Variants in ELFN1 observed in about 807,000 individuals in gnomAD.
ELFN1 encodes protein ELFN1.
In ELFN1, 6 loss-of-function variants were observed where a neutral mutation model predicts 7.6. The observed-to-expected ratio is 0.79, with a 90% CI of 0.43 to 1.56. ELFN1 has a LOEUF of 1.56. ELFN1 is among the 40% of genes most tolerant of loss of function. The pLI, the probability that ELFN1 is intolerant of heterozygous loss-of-function variation, is 0.01. For synonymous variants in ELFN1, 657 were observed against 588.1 expected (o/e 1.12, Z -1.70); for missense variants, 1,169 against 1,232.2 (o/e 0.95, Z 0.77).
chr7:1,675,521 C>T (rs1778852562), intron 1 of ELFN1, among the ~76,000 whole-genome samples: 1 of 152,244 alleles, frequency 6.6e-6, no homozygotes, highest in Non-Finnish European at 1.5e-5. Flanking sequence ...ACTCAGGCAC[C>T]TCTTAGTCAT....
rs538838326 is a variant in ELFN1 at position 1,691,285 on chromosome 7, AC to A, written c.-456+3138del. Among the ~76,000 whole-genome samples, 223 of 152,256 alleles carry A rather than the reference AC, an allele frequency of 1.5e-3. 1 individual carries two copies. The highest frequency in any genetic ancestry group is 5.0e-3 in the African/African-American group (207 of 41,540). On this transcript the variant is annotated intron_variant, in intron 2 of 3. Transcript: ENST00000424383. ...CCCAGCAGACAGGAGGTCTGTTTGC[AC>A]CCTCGGAGGTTGATGCAGGGAGTCT... is the stretch of plus-strand genomic sequence containing the variant.
At chr7:1,691,319 A>G (rs1779159058) in intron 2 of ELFN1, among the ~76,000 whole-genome samples, 1 of 152,198 alleles carries the variant, frequency 6.6e-6, no homozygotes, top group African/African-American at 2.4e-5. Flanking sequence ...TCTGGGAGTC[A>G]GGGCTCTGCA....
At position 1,746,245 on chromosome 7, in the gene ELFN1, G is replaced by A. The variant is rs1452540723; in HGVS notation, c.1649G>A (p.Ser550Asn). 1 of 1,440,298 alleles carries A rather than the reference G, an allele frequency of 6.9e-7. No homozygotes were observed. The allele number at this position is 1,440,298 out of a possible 1,614,324, so 89.2% of individuals were successfully genotyped here. ...ELGRPGPDSQ[S>N]SVAEISTIAK... is the part of the protein sequence containing the mutation. The stretch of plus-strand genomic sequence containing the variant: ...GGCCGGCCGGGCCCCGACAGCCAGA[G>A]TTCGGTGGCCGAGATCTCCACCATC... The change falls in exon 4 of 4, where the codon AGT (serine) becomes AAT (asparagine). Residue 550 changes from serine (S) to asparagine (N), a missense_variant. Coordinates refer to ENST00000424383, the MANE Select transcript of ELFN1 (RefSeq NM_001128636.4).
Position 1,673,201 on chromosome 7 carries a change from C to T in ELFN1, c.-549+2847C>T, listed in dbSNP as rs1315031343. The stretch of plus-strand genomic sequence containing the variant: ...GTGGGGGTGGCTGGTGGTGGAGCCA[C>T]TGCAGTGGACGATGGCGCCATCCAT... On this transcript the variant is annotated intron_variant, in intron 1 of 3. Transcript: ENST00000424383. This position sits in a 1 kb window ranked among gnomAD's most constrained non-coding sequence, Gnocchi z 4.7. Among the ~76,000 whole-genome samples the T allele has an allele frequency of 1.3e-5, 2 of 152,064 alleles. No individual in the cohort carries two copies. The highest frequency in any genetic ancestry group is 2.9e-5 in the Non-Finnish European group (2 of 68,010).
At chr7:1,720,541 A>C (rs1474631375) in intron 3 of ELFN1, among the ~76,000 whole-genome samples, 1 of 152,168 alleles carries the variant, frequency 6.6e-6, no homozygotes, top group Non-Finnish European at 1.5e-5. Context: ...GCCTTCAATA[A>C]CCGGGCCCCA....
In ELFN1 at chr7:1,670,829, C is replaced by A. The variant is rs942692230; in HGVS notation, c.-549+475C>A. ...CGCCCTCCCTGCTGGGCCGCCCTCC[C>A]CCCGACGCTGCGAGCCTCCTCGCTC... On this transcript the variant is annotated intron_variant, in intron 1 of 3. Coordinates refer to ENST00000424383, the MANE Select transcript of ELFN1 (RefSeq NM_001128636.4). This position sits in a 1 kb window ranked among gnomAD's most constrained non-coding sequence, Gnocchi z 6.4. Among the ~76,000 whole-genome samples, 11 of 152,200 alleles carry A rather than the reference C, an allele frequency of 7.2e-5. No homozygotes were observed. The highest frequency in any genetic ancestry group is 2.7e-4 in the African/African-American group (11 of 41,470).
In ELFN1 at chr7:1,688,087, G is replaced by C. The variant is rs950109752; in HGVS notation, c.-519G>C. On this transcript the variant is annotated 5_prime_UTR_variant, in exon 2 of 4. Coordinates refer to ENST00000424383, the MANE Select transcript of ELFN1 (RefSeq NM_001128636.4). ...AGAGTCTCCCTGTGTTGCCCAGACG[G>C]GTCTCAAATTCCTGGACTTAAGCGA... is the stretch of plus-strand genomic sequence containing the variant. 1 of 149,792 alleles carries C rather than the reference G, an allele frequency of 6.7e-6. No individual in the cohort carries two copies. Among genetic ancestry groups the C allele is most frequent in the African/African-American group, 2.5e-5 (1 of 40,568 alleles). The allele number at this position is 149,792 out of a possible 1,614,324, so 9.3% of individuals were successfully genotyped here.
chr7:1,666,501 T>C (rs1360517213), upstream of ELFN1, among the ~76,000 whole-genome samples: 1 of 151,870 alleles, frequency 6.6e-6, no homozygotes, highest in Admixed American at 6.5e-5. The surrounding 1 kb of genome is among the most constrained non-coding windows in gnomAD (Gnocchi z 7.9). Context: ...CCGCCGAGCC[T>C]GGGCCGGACA....
rs965160942 is a variant in ELFN1 at position 1,744,958 on chromosome 7, G to A, written c.362G>A (p.Arg121His). ...QVLQLGYNRL[R>H]NLTEGMLRGL... Reference sequence around the variant, plus strand: ...CTGCAGCTGGGCTACAACCGGCTGCGCAACCTCACGGAGGGCATGCTGCGC... The same window carrying A: ...CTGCAGCTGGGCTACAACCGGCTGCACAACCTCACGGAGGGCATGCTGCGC... Residue 121 changes from arginine to histidine, a missense_variant, in exon 4 of 4, where the codon CGC becomes CAC. Transcript: ENST00000424383. 73 of 1,551,190 alleles carry A rather than the reference G, an allele frequency of 4.7e-5. No individual in the cohort carries two copies. The highest frequency in any genetic ancestry group is 7.8e-5 in the Admixed American group (4 of 51,002).
chr7:1,693,330 A>C (rs1168347232), intron 2 of ELFN1: 1 of 460,428 alleles, frequency 2.2e-6, no homozygotes, highest in Non-Finnish European at 4.6e-6. Flanking sequence ...GCCCGATTCC[A>C]AGAGTCTGGG....
At chr7:1,725,413 G>C (rs1346951743) in intron 3 of ELFN1, among the ~76,000 whole-genome samples, 1 of 152,070 alleles carries the variant, frequency 6.6e-6, no homozygotes, top group Admixed American at 6.6e-5. Flanking sequence ...GTGTCTGCCA[G>C]GTCGGTGCAG....
intron 3 of ELFN1, among the ~76,000 whole-genome samples, chr7:1,741,962 A>G (rs1200237294): frequency 6.6e-6 from 1 of 151,890 alleles, no homozygotes; most frequent in African/African-American, 2.4e-5. Context: ...GTGCACACAC[A>G]TCTGTACACA....
intron 1 of ELFN1, among the ~76,000 whole-genome samples, chr7:1,682,319 A>G (rs1778544200): frequency 6.6e-6 from 1 of 152,224 alleles, no homozygotes; most frequent in Admixed American, 6.5e-5. Flanking sequence ...TTTGCTGTAT[A>G]CATGTTTTTG....
intron 1 of ELFN1, among the ~76,000 whole-genome samples, chr7:1,678,708 C>T (rs1365915919): frequency 1.3e-5 from 2 of 152,218 alleles, no homozygotes; most frequent in African/African-American, 2.4e-5. Flanking sequence ...CCCCAGCGGT[C>T]GTGGGTGTGG....
chr7:1,713,929 G>T (rs1215635204), intron 3 of ELFN1, among the ~76,000 whole-genome samples: 7 of 152,174 alleles, frequency 4.6e-5, no homozygotes, highest in Non-Finnish European at 8.8e-5. Flanking sequence ...CTGCCAGAGG[G>T]TGACAGGCGG....
Position 1,747,249 on chromosome 7 carries a change from C to T in ELFN1, c.*166C>T, listed in dbSNP as rs536770487. The T allele has an allele frequency of 1.0e-3, 822 of 784,654 alleles. 7 individuals carry two copies. The African/African-American group carries it at 0.012, about 12-fold the overall frequency. The allele number at this position is 784,654 out of a possible 1,614,324, so 48.6% of individuals were successfully genotyped here. On this transcript the variant is annotated 3_prime_UTR_variant, in exon 4 of 4. Coordinates refer to ENST00000424383, the MANE Select transcript of ELFN1 (RefSeq NM_001128636.4). ...GGGGACAGACAAGGGGGACACGTCC[C>T]GAGCTCCTGTGGCCGGTCCTGGGAT...
At chr7:1,696,375 G>C (rs868175684) in intron 2 of ELFN1, among the ~76,000 whole-genome samples, 1 of 151,394 alleles carries the variant, frequency 6.6e-6, no homozygotes, top group Non-Finnish European at 1.5e-5. Flanking sequence ...CAGATGCCCT[G>C]GTGTCTTTCT....
intron 3 of ELFN1, among the ~76,000 whole-genome samples, chr7:1,732,207 C>A (rs1780339952): frequency 1.3e-5 from 2 of 152,116 alleles, no homozygotes; most frequent in African/African-American, 4.8e-5. Flanking sequence ...AACAGAGAAG[C>A]CCACTGAGTG....
At position 1,734,663 on chromosome 7, in the gene ELFN1, A is replaced by G. The variant is rs1780398567; in HGVS notation, c.-293-9641A>G. ...CTCCCACTCCGGGGCCTGCCTCTGCATATTCTGGGGTGAGGCAGGAATCTG... is the reference window on the plus strand; with the variant it reads ...CTCCCACTCCGGGGCCTGCCTCTGCGTATTCTGGGGTGAGGCAGGAATCTG... On this transcript the variant is annotated intron_variant, in intron 3 of 3. Coordinates refer to ENST00000424383, the MANE Select transcript of ELFN1 (RefSeq NM_001128636.4). Among the ~76,000 whole-genome samples, 4 of 151,074 alleles carry G rather than the reference A, an allele frequency of 2.6e-5. No homozygotes were observed. The South Asian group carries it at 8.4e-4, about 32-fold the overall frequency.
Sources: allele counts gnomAD v4.1 joint callset (sites outside exome capture counted in the v4.1 genomes callset), GRCh38; gene constraint gnomAD v4.1.1; non-coding constraint Gnocchi (gnomAD v3.1); transcripts MANE v1.5; gene names NCBI Gene and HGNC (gene_info 2026-07-23, HGNC 2026-07-21).